FAAH2: variants seen among roughly 807,000 people sequenced by gnomAD.
The protein encoded by FAAH2 is fatty acid amide hydrolase 2.
Under a neutral mutation model 36.9 loss-of-function variants are expected in FAAH2, and 60 were observed. That is an observed-to-expected ratio of 1.63 (90% confidence interval 1.32 to 2.02). The LOEUF is 2.02. Among genes scored for constraint, FAAH2 ranks in the 30% most tolerant of loss-of-function variants. The pLI is 0.00. For missense variants in FAAH2, 689 were observed against 397.5 expected (o/e 1.73, Z -6.23); for synonymous variants, 214 against 143.8 (o/e 1.49, Z -3.49).
At chrX:57,133,838 G>A in the FAAH2 span, among the ~76,000 whole-genome samples, 2 of 111,862 alleles carry the variant, frequency 1.8e-5, no homozygotes, top group African/African-American at 6.5e-5. Context: ...TCCCTGCTAC[G>A]GTGAAGTAGG....
chrX:57,134,221 A>G, the FAAH2 span, among the ~76,000 whole-genome samples: 3 of 111,517 alleles, frequency 2.7e-5, no homozygotes, highest in Non-Finnish European at 5.6e-5. Context: ...CTTTTTTGTG[A>G]CATTATACAG....
At chrX:57,349,505 A>G (rs934387677) in intron 5 of FAAH2, among the ~76,000 whole-genome samples, 7 of 102,719 alleles carry the variant, frequency 6.8e-5, no homozygotes, top group Admixed American at 6.6e-4. Context: ...ATATACATAT[A>G]TACACATATA....
the FAAH2 span, among the ~76,000 whole-genome samples, chrX:57,199,752 C>A: frequency 9.0e-6 from 1 of 111,414 alleles, no homozygotes; most frequent in Non-Finnish European, 1.9e-5. Context: ...TTTTTTATAT[C>A]TAGGTGCTCC....
chrX:57,265,998 G>A, the FAAH2 span, among the ~76,000 whole-genome samples: 4 of 111,852 alleles, frequency 3.6e-5, no homozygotes, highest in South Asian at 3.8e-4. Context: ...GGGGTGGGCC[G>A]CCATCTTTGC....
chrX:57,405,930 T>A (rs1221536597), intron 7 of FAAH2, among the ~76,000 whole-genome samples: 1 of 108,803 alleles, frequency 9.2e-6, no homozygotes, highest in Non-Finnish European at 1.9e-5. Flanking sequence ...TATTTTCAAT[T>A]CTTTATCTGT....
In FAAH2 at chrX:57,390,554, G is replaced by T. The variant is rs775703129; in HGVS notation, c.996+9525G>T. ...GCCTACTTGTCCAAGTGTATCCATT[G>T]TTTAGTTTCCACTTATAAGTGAGAA... On this transcript the variant is annotated intron_variant, in intron 7 of 10. Coordinates refer to ENST00000374900, the MANE Select transcript of FAAH2 (RefSeq NM_174912.4). Among the ~76,000 whole-genome samples the T allele has an allele frequency of 9.1e-4, 101 of 111,001 alleles. 1 individual carries two copies. Among genetic ancestry groups the T allele is most frequent in the African/African-American group, 3.2e-3 (98 of 30,565 alleles).
At chrX:57,203,204 T>C in the FAAH2 span, among the ~76,000 whole-genome samples, 1 of 112,161 alleles carries the variant, frequency 8.9e-6, no homozygotes, top group Non-Finnish European at 1.9e-5. Context: ...ATTGTTTCTA[T>C]AGATTATAGA....
chrX:57,425,596 C>A (rs761268394), intron 7 of FAAH2, among the ~76,000 whole-genome samples: 109 of 111,333 alleles, frequency 9.8e-4, no homozygotes, highest in Non-Finnish European at 1.5e-3. Context: ...CTTTTAAATA[C>A]GAATTTTGAA....
At chrX:57,361,931 G>GT (rs761788680) in intron 5 of FAAH2, among the ~76,000 whole-genome samples, 8 of 110,775 alleles carry the variant, frequency 7.2e-5, no homozygotes, top group African/African-American at 2.0e-4. Flanking sequence ...TAAGTTCAAA[G>GT]TTTTTTTTCC....
At chrX:57,300,143 T>C (rs1473573508) in intron 2 of FAAH2, among the ~76,000 whole-genome samples, 2 of 111,166 alleles carry the variant, frequency 1.8e-5, no homozygotes, top group African/African-American at 3.3e-5. Context: ...GAGCCCGCAT[T>C]GCCAAGTCAA....
the FAAH2 span, among the ~76,000 whole-genome samples, chrX:57,272,194 A>T: frequency 9.3e-6 from 1 of 107,440 alleles, no homozygotes; most frequent in African/African-American, 3.4e-5. Context: ...AGAAGACAAG[A>T]TCAGAGAAAA....
chrX:57,468,413 G>C (rs1008718646), intron 10 of FAAH2, among the ~76,000 whole-genome samples: 2 of 111,883 alleles, frequency 1.8e-5, no homozygotes, highest in Non-Finnish European at 3.8e-5. Flanking sequence ...TGACCTGATG[G>C]AGCTGAAAAC....
chrX:57,460,204 G>A (rs1245055083), intron 10 of FAAH2, among the ~76,000 whole-genome samples: 1 of 111,674 alleles, frequency 9.0e-6, no homozygotes, highest in East Asian at 2.8e-4. Context: ...AAAGTGATGA[G>A]GAGAATGGAA....
intron 7 of FAAH2, among the ~76,000 whole-genome samples, chrX:57,416,783 G>A (rs1274848447): frequency 8.9e-6 from 1 of 111,892 alleles, no homozygotes; most frequent in Non-Finnish European, 1.9e-5. Context: ...TGTCTTGCTA[G>A]GTTGGGGAAG....
intron 7 of FAAH2, among the ~76,000 whole-genome samples, chrX:57,420,934 T>G (rs886180723): frequency 1.8e-5 from 2 of 111,831 alleles, no homozygotes; most frequent in African/African-American, 3.3e-5. Flanking sequence ...GCATGAAGGG[T>G]TGTTGAATTT....
chrX:57,360,392 T>C (rs1041967146), intron 5 of FAAH2, among the ~76,000 whole-genome samples: 2 of 110,213 alleles, frequency 1.8e-5, no homozygotes, highest in African/African-American at 6.6e-5. Flanking sequence ...TCATCTGAGA[T>C]GAAAATTTTA....
intron 5 of FAAH2, among the ~76,000 whole-genome samples, chrX:57,376,394 C>A (rs754317475): frequency 1.8e-5 from 2 of 111,094 alleles, no homozygotes; most frequent in Non-Finnish European, 3.8e-5. Flanking sequence ...TAGCCCTTCA[C>A]CCTCTGACAG....
Position 57,486,150 on chromosome X carries a change from A to T in FAAH2, c.1424-2607A>T, listed in dbSNP as rs201733995. On this transcript the variant is annotated intron_variant, in intron 10 of 10. Coordinates refer to ENST00000374900, the MANE Select transcript of FAAH2 (RefSeq NM_174912.4). ...CAGTAAAACAGTACTGCTGTTTGGA[A>T]TCTGTAGTCAGTCAGGGCCATGTGC... is the stretch of plus-strand genomic sequence containing the variant. 2.7e-5 allele frequency among the ~76,000 whole-genome samples: 3 copies of T among 111,949 alleles called. No individual in the cohort carries two copies. In the East Asian group the frequency reaches 8.4e-4, roughly 32 times the overall value.
chrX:57,319,017 A>G (rs916387302), intron 3 of FAAH2, among the ~76,000 whole-genome samples: 3 of 111,814 alleles, frequency 2.7e-5, no homozygotes, highest in African/African-American at 9.7e-5. Context: ...AATGGAACAT[A>G]TCTCAAAATA....
Sources: gnomAD v4.1 joint callset for allele counts (sites outside exome capture counted in the v4.1 genomes callset) on GRCh38, gnomAD v4.1.1 for gene constraint, MANE v1.5 for transcripts, NCBI Gene and HGNC (gene_info 2026-07-23, HGNC 2026-07-21) for gene names.